PSD3: variants seen among roughly 807,000 people sequenced by gnomAD.
The protein encoded by PSD3 is PH and SEC7 domain-containing protein 3.
Under a neutral mutation model 105.5 loss-of-function variants are expected in PSD3, and 49 were observed. That is an observed-to-expected ratio of 0.46 (90% confidence interval 0.37 to 0.59). The LOEUF is 0.59. Among genes scored for constraint, PSD3 ranks in the 20% least tolerant of loss-of-function variants. The pLI is 0.00. For missense variants in PSD3, 1,561 were observed against 1,263.8 expected (o/e 1.24, Z -3.57); for synonymous variants, 557 against 457.8 (o/e 1.22, Z -2.77).
At chr8:18,596,812 G>T (rs926901826) in intron 12 of PSD3, among the ~76,000 whole-genome samples, 6 of 152,078 alleles carry the variant, frequency 3.9e-5, no homozygotes, top group Non-Finnish European at 8.8e-5. Flanking sequence ...GTAATAATAA[G>T]GGGATTGAAT....
At chr8:18,929,038 C>A (rs955250616) in intron 2 of PSD3, among the ~76,000 whole-genome samples, 1 of 152,076 alleles carries the variant, frequency 6.6e-6, no homozygotes, top group Non-Finnish European at 1.5e-5. Flanking sequence ...GGATGATGCA[C>A]AATTCTATGA....
intron 2 of PSD3, among the ~76,000 whole-genome samples, chr8:18,879,888 G>A (rs143660370): frequency 4.6e-5 from 7 of 152,058 alleles, no homozygotes; most frequent in South Asian, 2.1e-4. Flanking sequence ...GTGAACTAAC[G>A]CATTTAGCCA....
At chr8:19,070,385 AC>A (rs1338086899) in intron 1 of PSD3, among the ~76,000 whole-genome samples, 2 of 138,894 alleles carry the variant, frequency 1.4e-5, no homozygotes, top group East Asian at 2.3e-4. Context: ...AAAAAAAAAA[AC>A]CCACAAAAAT....
chr8:18,791,784 C>G (rs1056227868), intron 8 of PSD3, among the ~76,000 whole-genome samples: 6 of 152,166 alleles, frequency 3.9e-5, no homozygotes, highest in African/African-American at 1.4e-4. Context: ...TCAGAGTCAA[C>G]AGACAACCTA....
At chr8:18,638,532 C>T (rs1288401147) in intron 10 of PSD3, among the ~76,000 whole-genome samples, 1 of 136,976 alleles carries the variant, frequency 7.3e-6, no homozygotes, top group Non-Finnish European at 1.6e-5. Context: ...CTTCCAAAAG[C>T]ATTAAAAACA....
chr8:18,633,427 T>G (rs901014053), intron 10 of PSD3, among the ~76,000 whole-genome samples: 1 of 152,072 alleles, frequency 6.6e-6, no homozygotes, highest in African/African-American at 2.4e-5. Flanking sequence ...GCCATAAAAA[T>G]AGTCCCCAAC....
chr8:18,946,024 T>C (rs1822834502), intron 1 of PSD3, among the ~76,000 whole-genome samples: 1 of 152,174 alleles, frequency 6.6e-6, no homozygotes, highest in Non-Finnish European at 1.5e-5. Context: ...TAAATGTATT[T>C]ATGCTGCTTT....
intron 8 of PSD3, among the ~76,000 whole-genome samples, chr8:18,782,890 G>C (rs537467017): frequency 6.6e-6 from 1 of 152,136 alleles, no homozygotes; most frequent in South Asian, 2.1e-4. Context: ...AGTCTCACTT[G>C]GTCATGCTAT....
chr8:18,743,870 C>T (rs1452602419), intron 9 of PSD3, among the ~76,000 whole-genome samples: 1 of 151,430 alleles, frequency 6.6e-6, no homozygotes, highest in Non-Finnish European at 1.5e-5. Flanking sequence ...TGGGAGGATC[C>T]CTTGAGCCCA....
intron 9 of PSD3, among the ~76,000 whole-genome samples, chr8:18,674,754 C>T (rs1799977232): frequency 6.6e-6 from 1 of 152,042 alleles, no homozygotes; most frequent in African/African-American, 2.4e-5. Context: ...TGTCTGTGAT[C>T]CCAGCACTTT....
At chr8:18,601,385 G>A (rs1023445081) in intron 11 of PSD3, among the ~76,000 whole-genome samples, 1 of 152,172 alleles carries the variant, frequency 6.6e-6, no homozygotes, top group East Asian at 1.9e-4. Context: ...TCATGCTCTT[G>A]TATCAAACAT....
chr8:18,583,668 T>C (rs1160437854), intron 12 of PSD3, among the ~76,000 whole-genome samples: 1 of 152,162 alleles, frequency 6.6e-6, no homozygotes, highest in African/African-American at 2.4e-5. Flanking sequence ...GGGTTAGATA[T>C]CACTTTCTTC....
intron 8 of PSD3, among the ~76,000 whole-genome samples, chr8:18,790,796 G>A (rs1809649728): frequency 6.7e-6 from 1 of 150,186 alleles, no homozygotes; most frequent in African/African-American, 2.4e-5. Flanking sequence ...GACGGCCTTG[G>A]GGCCACTGTG....
intron 1 of PSD3, among the ~76,000 whole-genome samples, chr8:19,038,563 C>T (rs1828021938): frequency 6.6e-6 from 1 of 152,136 alleles, no homozygotes. Flanking sequence ...TGGGCTCAAG[C>T]GATCCCCCTG....
chr8:18,625,187 TACACACACACAC>T (rs3042894), intron 11 of PSD3, among the ~76,000 whole-genome samples: 6 of 149,224 alleles, frequency 4.0e-5, no homozygotes, highest in South Asian at 2.1e-4. Context: ...AGGTGGGGAA[TACACACACACAC>T]ACACACACAC....
At chr8:18,799,076 C>T (rs757899470) in intron 8 of PSD3, 2 of 494,160 alleles carry the variant, frequency 4.0e-6, no homozygotes, top group Non-Finnish European at 7.3e-6. Flanking sequence ...ACTGCTAAAA[C>T]AACTCCAGAC....
intron 9 of PSD3, among the ~76,000 whole-genome samples, chr8:18,700,156 G>C (rs1801496820): frequency 6.6e-6 from 1 of 152,114 alleles, no homozygotes; most frequent in Admixed American, 6.5e-5. Flanking sequence ...TTTTGGGACT[G>C]TTGTATTAAC....
At chr8:18,811,097 C>T (rs1811642606) in intron 4 of PSD3, among the ~76,000 whole-genome samples, 1 of 152,132 alleles carries the variant, frequency 6.6e-6, no homozygotes, top group Non-Finnish European at 1.5e-5. Flanking sequence ...CCATAGCACC[C>T]ACCATGGTAC....
chr8:19,032,087 CA>C (rs1300063705), intron 1 of PSD3, among the ~76,000 whole-genome samples: 2 of 152,146 alleles, frequency 1.3e-5, no homozygotes, highest in Non-Finnish European at 2.9e-5. Context: ...GGGACCAACA[CA>C]GGATGCTAAT....
Sources: allele counts gnomAD v4.1 joint callset (sites outside exome capture counted in the v4.1 genomes callset), GRCh38; gene constraint gnomAD v4.1.1; transcripts MANE v1.5; gene names NCBI Gene and HGNC (gene_info 2026-07-23, HGNC 2026-07-21).